The following MALRD1 variants were observed in gnomAD, a reference collection of about 807,000 sequenced individuals.
MALRD1 encodes MAM and LDL receptor class A domain containing 1.
A neutral mutation model predicts 242.1 loss-of-function variants in MALRD1; 247 were observed. The observed-to-expected ratio is 1.02, with a 90% CI of 0.92 to 1.13. MALRD1 has a LOEUF of 1.13. MALRD1 is among the 50% of genes most tolerant of loss of function. The pLI is 0.00. For missense variants in MALRD1, 2,989 were observed against 2,533.1 expected (o/e 1.18, Z -3.86); for synonymous variants, 995 against 866.6 (o/e 1.15, Z -2.60).
chr10:19,123,487 A>C lies in MALRD1; in HGVS notation c.695-5A>C. On this transcript the variant is annotated splice_polypyrimidine_tract_variant and splice_region_variant and intron_variant, in intron 5 of 39. Coordinates refer to ENST00000454679, the MANE Select transcript of MALRD1 (RefSeq NM_001142308.3). ...TCACTTCTTGCCAATCTTTAAATTT[A>C]ACAGATGGAATTTTACTGTGTCAAG... 4 of 1,231,348 alleles carry C rather than the reference A, an allele frequency of 3.2e-6. No individual in the cohort carries two copies. The highest frequency in any genetic ancestry group is 4.1e-6 in the Non-Finnish European group (4 of 985,752). 76.3% of individuals were successfully genotyped at this position (1,231,348 alleles called of 1,614,324 possible).
chr10:19,463,736 G>T (rs1407651172), intron 29 of MALRD1, among the ~76,000 whole-genome samples: 1 of 152,118 alleles, frequency 6.6e-6, no homozygotes, highest in Non-Finnish European at 1.5e-5. Context: ...ATACCCAGTA[G>T]TGGGATTGCT....
At chr10:19,056,921 T>C (rs930326837) in intron 1 of MALRD1, among the ~76,000 whole-genome samples, 1 of 152,190 alleles carries the variant, frequency 6.6e-6, no homozygotes, top group Non-Finnish European at 1.5e-5. Flanking sequence ...CCGAATCTAT[T>C]GAGATGATTA....
intron 36 of MALRD1, among the ~76,000 whole-genome samples, chr10:19,632,539 TG>T (rs1435243814): frequency 2.0e-5 from 3 of 152,238 alleles, no homozygotes; most frequent in African/African-American, 7.2e-5. Flanking sequence ...AATAAAAATC[TG>T]GCTTAAAAAC....
intron 18 of MALRD1, among the ~76,000 whole-genome samples, chr10:19,226,051 C>A (rs1253098815): frequency 6.6e-6 from 1 of 152,060 alleles, no homozygotes; most frequent in East Asian, 1.9e-4. Context: ...ACAGATATCA[C>A]AACTCAAAAA....
chr10:19,245,313 T>G (rs1257922408), intron 18 of MALRD1, among the ~76,000 whole-genome samples: 1 of 149,322 alleles, frequency 6.7e-6, no homozygotes, highest in African/African-American at 2.4e-5. Flanking sequence ...TACAAATGAT[T>G]TTTTTGTGTA....
intron 32 of MALRD1, among the ~76,000 whole-genome samples, chr10:19,558,947 G>C (rs1835843476): frequency 6.6e-6 from 1 of 152,020 alleles, no homozygotes; most frequent in Non-Finnish European, 1.5e-5. Context: ...ACTTTGGGAG[G>C]CTGAGGTGGG....
intron 24 of MALRD1, among the ~76,000 whole-genome samples, chr10:19,336,657 A>G (rs959078716): frequency 6.6e-6 from 1 of 152,196 alleles, no homozygotes; most frequent in African/African-American, 2.4e-5. Context: ...CCTAAATCAC[A>G]TTAAATTAAA....
intron 2 of MALRD1, among the ~76,000 whole-genome samples, chr10:19,085,977 T>C (rs2131292148): frequency 6.6e-6 from 1 of 152,182 alleles, no homozygotes; most frequent in African/African-American, 2.4e-5. Flanking sequence ...ATTATGCGTA[T>C]TTGATTAGTC....
intron 26 of MALRD1, among the ~76,000 whole-genome samples, chr10:19,367,855 T>TA (rs1341809391): frequency 6.6e-6 from 1 of 152,146 alleles, no homozygotes; most frequent in Non-Finnish European, 1.5e-5. Flanking sequence ...CCCTGGTGAT[T>TA]AGTGATGTTG....
chr10:19,237,592 T>TA (rs1838389361), intron 18 of MALRD1, among the ~76,000 whole-genome samples: 1 of 6,958 alleles, frequency 1.4e-4, no homozygotes, highest in South Asian at 5.5e-3. Flanking sequence ...AATTATATAA[T>TA]TATATAATTA....
At chr10:19,553,259 A>G (rs1364125220) in intron 32 of MALRD1, among the ~76,000 whole-genome samples, 6 of 152,150 alleles carry the variant, frequency 3.9e-5, no homozygotes, top group African/African-American at 1.2e-4. Context: ...AAAATTTCCA[A>G]TTTAAAATTT....
intron 32 of MALRD1, among the ~76,000 whole-genome samples, chr10:19,535,644 A>C (rs1231883799): frequency 6.6e-6 from 1 of 151,806 alleles, no homozygotes; most frequent in Non-Finnish European, 1.5e-5. Context: ...TAAAATAATT[A>C]TTTGTACTTT....
intron 33 of MALRD1, among the ~76,000 whole-genome samples, chr10:19,579,467 C>T (rs181570199): frequency 9.8e-4 from 149 of 152,292 alleles, no homozygotes; most frequent in African/African-American, 3.0e-3. Flanking sequence ...TTACCATTCT[C>T]AGCCTTTTAT....
chr10:19,310,694 A>G (rs1052500516), intron 21 of MALRD1, among the ~76,000 whole-genome samples: 8 of 151,620 alleles, frequency 5.3e-5, no homozygotes, highest in Non-Finnish European at 8.9e-5. Flanking sequence ...TCTCTTATCC[A>G]TGCAATTAAT....
chr10:19,342,821 G>A (rs192458454), intron 24 of MALRD1, among the ~76,000 whole-genome samples: 2 of 152,152 alleles, frequency 1.3e-5, no homozygotes, highest in East Asian at 3.9e-4. Flanking sequence ...AAAATTACCA[G>A]CAGTGGTCCC....
At chr10:19,645,883 A>G (rs894089453) in intron 36 of MALRD1, among the ~76,000 whole-genome samples, 2 of 152,044 alleles carry the variant, frequency 1.3e-5, no homozygotes, top group Non-Finnish European at 2.9e-5. Flanking sequence ...TATAATAATA[A>G]AAAAAAAGAA....
intron 26 of MALRD1, among the ~76,000 whole-genome samples, chr10:19,368,651 A>G (rs1845213194): frequency 6.6e-6 from 1 of 151,918 alleles, no homozygotes; most frequent in Non-Finnish European, 1.5e-5. Flanking sequence ...ATCTGTGAAG[A>G]ACGTCATTGA....
At chr10:19,614,077 G>T (rs1272398086) in intron 35 of MALRD1, among the ~76,000 whole-genome samples, 2 of 151,938 alleles carry the variant, frequency 1.3e-5, no homozygotes, top group South Asian at 2.1e-4. Flanking sequence ...AGGAACCATG[G>T]CTGTATATCT....
At chr10:19,697,026 A>G (rs998733987) in intron 38 of MALRD1, among the ~76,000 whole-genome samples, 11 of 152,242 alleles carry the variant, frequency 7.2e-5, no homozygotes, top group Non-Finnish European at 1.2e-4. Context: ...CTAGACTTTA[A>G]GAAGTTTGTA....
Sources: allele counts gnomAD v4.1 joint callset (sites outside exome capture counted in the v4.1 genomes callset), GRCh38; gene constraint gnomAD v4.1.1; transcripts MANE v1.5; gene names NCBI Gene and HGNC (gene_info 2026-07-23, HGNC 2026-07-21).